The following ADAMTS15 variants were observed in gnomAD, a reference collection of about 807,000 sequenced individuals.
ADAMTS15 encodes ADAM metallopeptidase with thrombospondin type 1 motif 15.
A neutral mutation model predicts 79.1 loss-of-function variants in ADAMTS15; 35 were observed. That is an observed-to-expected ratio of 0.44 (90% confidence interval 0.34 to 0.59). ADAMTS15 has a LOEUF of 0.59. Among genes scored for constraint, ADAMTS15 ranks in the 20% least tolerant of loss-of-function variants. The pLI, the probability that ADAMTS15 is intolerant of heterozygous loss-of-function variation, is 0.02. For missense variants in ADAMTS15, 1,324 were observed against 1,318.7 expected (o/e 1.00, Z -0.06); for synonymous variants, 616 against 567.3 (o/e 1.09, Z -1.22).
intron 4 of ADAMTS15, among the ~76,000 whole-genome samples, chr11:130,464,750 T>G (rs1938267594): frequency 6.6e-6 from 1 of 152,122 alleles, no homozygotes; most frequent in Non-Finnish European, 1.5e-5. Flanking sequence ...GAGGATCCCT[T>G]GAGCCCTGGA....
At chr11:130,459,259 C>T (rs977639719) in intron 1 of ADAMTS15, among the ~76,000 whole-genome samples, 1 of 152,072 alleles carries the variant, frequency 6.6e-6, no homozygotes, top group Non-Finnish European at 1.5e-5. Flanking sequence ...ACTAGGGAGG[C>T]TGAGGCAGGA....
At position 130,469,308 on chromosome 11, in the gene ADAMTS15, G is replaced by A. The variant is rs1465170396; in HGVS notation, c.1589G>A (p.Arg530His). The change falls in exon 5 of 8, where the codon CGC becomes CAC. Residue 530 changes from arginine (R) to histidine (H), a missense_variant. Physicochemically the swap from Arg to His is conservative, Grantham distance 29. Transcript: ENST00000299164. Reference protein sequence around the residue: ...AKWDPYGPCSRTCGGGVQLAR... With the variant: ...AKWDPYGPCSHTCGGGVQLAR... The stretch of plus-strand genomic sequence containing the variant: ...TGGGATCCCTATGGCCCCTGCTCGC[G>A]CACATGTGGTGGGGGCGTGCAGCTG... 1.5e-5 allele frequency: 21 copies of A among 1,400,390 alleles called. No homozygotes were observed. Among genetic ancestry groups the A allele is most frequent in the Middle Eastern group, 2.0e-4 (1 of 5,006 alleles). 86.7% of individuals were successfully genotyped at this position (1,400,390 alleles called of 1,614,324 possible). A position where few individuals can be genotyped will look rare whatever the true frequency, so the allele number is the denominator to read the frequency against.
At chr11:130,470,162 A>ACACACATG (rs1565397684) in intron 5 of ADAMTS15, among the ~76,000 whole-genome samples, 1 of 56,580 alleles carries the variant, frequency 1.8e-5, no homozygotes, top group African/African-American at 1.1e-4. Context: ...GTGTATATAT[A>ACACACATG]TATATATATA....
chr11:130,458,689 G>C (rs1206550425), intron 1 of ADAMTS15, among the ~76,000 whole-genome samples: 1 of 152,214 alleles, frequency 6.6e-6, no homozygotes, highest in Non-Finnish European at 1.5e-5. Flanking sequence ...CATCTACTTA[G>C]TGATAGGGCC....
At chr11:130,451,688 G>C (rs756606517) in intron 1 of ADAMTS15, among the ~76,000 whole-genome samples, 2 of 152,186 alleles carry the variant, frequency 1.3e-5, no homozygotes, top group Non-Finnish European at 2.9e-5. Flanking sequence ...CAAAATAAAA[G>C]ACCTCAGCCT....
rs1418146251 is a variant in ADAMTS15 at position 130,472,066 on chromosome 11, G to A, written c.2078+683G>A. On this transcript the variant is annotated intron_variant, in intron 7 of 7. Transcript: ENST00000299164. This position sits in a 1 kb window ranked among gnomAD's most constrained non-coding sequence, Gnocchi z 4.7. ...TCAGAATCTGGGCCTCCCAGCTTGA[G>A]CTTCCTGAGGTCAAACATATGCTCC... 6.6e-6 allele frequency among the ~76,000 whole-genome samples: 1 copy of A among 152,260 alleles called. No individual in the cohort carries two copies. Among genetic ancestry groups the A allele is most frequent in the Non-Finnish European group, 1.5e-5 (1 of 68,050 alleles).
intron 5 of ADAMTS15, among the ~76,000 whole-genome samples, chr11:130,469,657 A>G (rs185434258): frequency 6.6e-6 from 1 of 152,342 alleles, no homozygotes; most frequent in African/African-American, 2.4e-5. Context: ...GGAGAGGTGC[A>G]GATTCTTCTT....
intron 1 of ADAMTS15, among the ~76,000 whole-genome samples, chr11:130,456,257 C>T (rs946621990): frequency 3.3e-5 from 5 of 152,128 alleles, no homozygotes; most frequent in Non-Finnish European, 7.4e-5. Context: ...CTTGTAGGCG[C>T]CCTCTCTCTT....
Position 130,473,376 on chromosome 11 carries a change from A to G in ADAMTS15, c.2408A>G (p.Glu803Gly). ...CGCTACTCCTTCTATCTGCCCAAAG[A>G]GCCTCGGGAGGACAAGTCCTCTCAT... ...RVRYSFYLPK[E>G]PREDKSSHPK... The change falls in exon 8 of 8, where the codon GAG becomes GGG. Residue 803 changes from glutamate to glycine, a missense_variant. Physicochemically the swap from Glu to Gly is moderately conservative, Grantham distance 98 (BLOSUM62 -2). Transcript: ENST00000299164. 6.2e-7 allele frequency: 1 copy of G among 1,612,800 alleles called. No individual in the cohort carries two copies. The highest frequency in any genetic ancestry group is 8.5e-7 in the Non-Finnish European group (1 of 1,179,982).
At chr11:130,457,539 C>G (rs945213884) in intron 1 of ADAMTS15, among the ~76,000 whole-genome samples, 1 of 152,142 alleles carries the variant, frequency 6.6e-6, no homozygotes, top group Non-Finnish European at 1.5e-5. Flanking sequence ...CAAGATGATT[C>G]CAGGATCATC....
intron 1 of ADAMTS15, among the ~76,000 whole-genome samples, chr11:130,456,950 C>A (rs1401835228): frequency 6.6e-6 from 1 of 152,102 alleles, no homozygotes; most frequent in Non-Finnish European, 1.5e-5. Context: ...TGTTAAAGTG[C>A]GGCCAGGTGC....
intron 1 of ADAMTS15, among the ~76,000 whole-genome samples, chr11:130,453,291 T>TC (rs973945844): frequency 1.3e-5 from 2 of 151,794 alleles, no homozygotes; most frequent in Admixed American, 6.6e-5. Flanking sequence ...TTTTTTTTTT[T>TC]TTTTAGGACT....
chr11:130,460,208 AATGCCTT>A (rs1415782106), intron 1 of ADAMTS15, among the ~76,000 whole-genome samples: 1 of 152,182 alleles, frequency 6.6e-6, no homozygotes, highest in Non-Finnish European at 1.5e-5. Context: ...TGAAATGCAG[AATGCCTT>A]ATGCATTAAA....
Position 130,472,927 on chromosome 11 carries a change from C to T in ADAMTS15, c.2079-120C>T. 7.0e-7 allele frequency: 1 copy of T among 1,433,932 alleles called. No individual in the cohort carries two copies. The highest frequency in any genetic ancestry group is 9.5e-7 in the Non-Finnish European group (1 of 1,055,858). 88.8% of individuals were successfully genotyped at this position (1,433,932 alleles called of 1,614,324 possible). A position where few individuals can be genotyped will look rare whatever the true frequency, so the allele number is the denominator to read the frequency against. ...GACCTCTCTGACTCCAAAACCTGTG[C>T]TTTTACTCCCATGCCAGAATTCACC... On this transcript the variant is annotated intron_variant, in intron 7 of 7. Transcript: ENST00000299164. The surrounding 1 kb of genome is among the most constrained non-coding windows in gnomAD (Gnocchi z 4.7).
Position 130,450,308 on chromosome 11 carries a change from A to T in ADAMTS15, c.957+378A>T, listed in dbSNP as rs1430892854. ...GTGTTGGAGAGGGCGGGAACGGCCC[A>T]CCCCTATTGTATGGGCGGCTGAGTC... On this transcript the variant is annotated intron_variant, in intron 1 of 7. Coordinates refer to ENST00000299164, the MANE Select transcript of ADAMTS15 (RefSeq NM_139055.4). 3.0e-6 allele frequency: 3 copies of T among 985,240 alleles called. No individual in the cohort carries two copies. In the African/African-American group the frequency reaches 5.2e-5, roughly 17 times the overall value. 61.0% of individuals were successfully genotyped at this position (985,240 alleles called of 1,614,324 possible).
intron 1 of ADAMTS15, among the ~76,000 whole-genome samples, chr11:130,456,309 C>T (rs1938079050): frequency 6.6e-6 from 1 of 152,058 alleles, no homozygotes. Context: ...AGCCTTCTTG[C>T]AAGCTTGGGG....
rs1288796778 is a variant in ADAMTS15 at position 130,449,242 on chromosome 11, G to T, written c.269G>T (p.Gly90Val). Reference sequence around the variant, plus strand: ...GAGCATCTGGGCGTCCCCCTCCAGGGGCTCACCGGGGGCTCTTCAGACCTG... The same window carrying T: ...GAGCATCTGGGCGTCCCCCTCCAGGTGCTCACCGGGGGCTCTTCAGACCTG... ...STEHLGVPLQ[G>V]LTGGSSDLRR... is the part of the protein sequence containing the mutation. Residue 90 changes from glycine (G) to valine (V), a missense_variant, in exon 1 of 8, where the codon GGG becomes GTG. Physicochemically the swap from Gly to Val is moderately radical, Grantham distance 109. Transcript: ENST00000299164. The surrounding 1 kb of genome is among the most constrained non-coding windows in gnomAD (Gnocchi z 7.8). The T allele has an allele frequency of 1.2e-6, 2 of 1,613,698 alleles. No individual in the cohort carries two copies. The highest frequency in any genetic ancestry group is 1.6e-4 in the Middle Eastern group (1 of 6,062).
rs1938524205 is a variant in ADAMTS15 at position 130,473,945 on chromosome 11, G to T, written c.*124G>T. On this transcript the variant is annotated 3_prime_UTR_variant, in exon 8 of 8. Transcript: ENST00000299164. ...CGCCACGATGTCACCCACATCCGGG[G>T]ACAAGGACCATGGGCTGGGGCGAGA... 3 of 1,334,270 alleles carry T rather than the reference G, an allele frequency of 2.2e-6. No individual in the cohort carries two copies. In the African/African-American group the frequency reaches 4.4e-5, roughly 20 times the overall value. The allele number at this position is 1,334,270 out of a possible 1,614,324, so 82.7% of individuals were successfully genotyped here.
intron 1 of ADAMTS15, among the ~76,000 whole-genome samples, chr11:130,455,926 T>G (rs1938069274): frequency 6.6e-6 from 1 of 152,190 alleles, no homozygotes; most frequent in Non-Finnish European, 1.5e-5. Context: ...GGCACTTGCT[T>G]GAGCTACAGG....
Sources: gnomAD v4.1 joint callset for allele counts (sites outside exome capture counted in the v4.1 genomes callset) on GRCh38, gnomAD v4.1.1 for gene constraint, Gnocchi (gnomAD v3.1) non-coding constraint, MANE v1.5 for transcripts, NCBI Gene and HGNC (gene_info 2026-07-23, HGNC 2026-07-21) for gene names.